Variants in NELL2 observed in about 807,000 individuals in gnomAD.
NELL2 encodes neural EGFL like 2.
NELL2 carries 41 observed loss-of-function variants against 109.6 expected under a neutral mutation model. The ratio of observed to expected loss-of-function variants is 0.37; its 90% CI spans 0.29 to 0.49. The LOEUF (loss-of-function observed/expected upper bound fraction) is 0.49. Among genes scored for constraint, NELL2 ranks in the 20% least tolerant of loss-of-function variants. The pLI is 0.98. For synonymous variants in NELL2, 355 were observed against 344.7 expected (o/e 1.03, Z -0.33); for missense variants, 900 against 1,008.3 (o/e 0.89, Z 1.45).
chr12:44,829,527 G>A (rs1431783922), intron 2 of NELL2, among the ~76,000 whole-genome samples: 1 of 152,108 alleles, frequency 6.6e-6, no homozygotes, highest in Admixed American at 6.5e-5. Context: ...TATAGAATAT[G>A]TATCTGCCTT....
intron 13 of NELL2, among the ~76,000 whole-genome samples, chr12:44,647,620 C>T (rs577318302): frequency 3.5e-4 from 54 of 152,266 alleles, no homozygotes; most frequent in African/African-American, 1.1e-3. Context: ...ACTAAGTCCA[C>T]TTGAGTTTCG....
At chr12:44,915,785 C>CAA (rs138041837), upstream of NELL2, among the ~76,000 whole-genome samples, 643 of 149,196 alleles carry the variant, frequency 4.3e-3, 4 homozygotes, top group African/African-American at 0.014. Flanking sequence ...GGAAGAGATG[C>CAA]AAAAAAAAAT....
At chr12:44,540,366 G>A (rs1368470927) in intron 15 of NELL2, among the ~76,000 whole-genome samples, 2 of 152,068 alleles carry the variant, frequency 1.3e-5, no homozygotes, top group Non-Finnish European at 2.9e-5. Flanking sequence ...TAGAACAAAA[G>A]GAGCCAAAGA....
At chr12:44,886,116 GAAGGA>G (rs1317799974) in intron 1 of NELL2, among the ~76,000 whole-genome samples, 5 of 146,886 alleles carry the variant, frequency 3.4e-5, no homozygotes, top group Non-Finnish European at 7.4e-5. Flanking sequence ...AGGAAGGAAG[GAAGGA>G]AGGAAGGAAG....
chr12:44,570,412 T>G (rs1943820300), intron 15 of NELL2, among the ~76,000 whole-genome samples: 1 of 152,192 alleles, frequency 6.6e-6, no homozygotes, highest in East Asian at 1.9e-4. Context: ...CAAATGGGAC[T>G]GTGACAGTCT....
At chr12:44,824,678 TTTA>T (rs1943649708) in intron 2 of NELL2, among the ~76,000 whole-genome samples, 1 of 109,244 alleles carries the variant, frequency 9.2e-6, no homozygotes. Context: ...TATTTATTTA[TTTA>T]TTTATTTATT....
At chr12:44,765,330 G>C (rs973417931) in intron 9 of NELL2, among the ~76,000 whole-genome samples, 1 of 152,036 alleles carries the variant, frequency 6.6e-6, no homozygotes, top group Non-Finnish European at 1.5e-5. Flanking sequence ...GATAAGTGAG[G>C]GTCATTATGA....
rs950550643 is a variant in NELL2, at chr12:44,895,710, G to A, written c.38+18089C>T. ...GCTTTTTTTCCTGCATTTATATTAC[G>A]AAATCATATATCACCCCCTAACTTT... On this transcript the variant is annotated intron_variant, in intron 1 of 20. Coordinates refer to the NELL2 transcript ENST00000333837. 2.6e-5 allele frequency among the ~76,000 whole-genome samples: 4 copies of A among 152,006 alleles called. No individual in the cohort carries two copies. In the South Asian group the frequency reaches 8.3e-4, roughly 32 times the overall value.
intron 13 of NELL2, among the ~76,000 whole-genome samples, chr12:44,640,132 A>C (rs1946797181): frequency 6.6e-6 from 1 of 152,222 alleles, no homozygotes; most frequent in Admixed American, 6.5e-5. Context: ...CTCAGTAAAT[A>C]GCTGTTGATT....
intron 14 of NELL2, 120 bp downstream of exon 14, chr12:44,610,728 C>A (rs2136251460): frequency 1.5e-6 from 2 of 1,368,784 alleles, no homozygotes; most frequent in East Asian, 2.4e-5. Context: ...CACACCAAAG[C>A]TTTTGATGTC....
intron 13 of NELL2, among the ~76,000 whole-genome samples, chr12:44,658,753 G>C (rs1224167654): frequency 1.3e-5 from 2 of 151,654 alleles, no homozygotes; most frequent in Non-Finnish European, 2.9e-5. Flanking sequence ...GCAGGCGCCT[G>C]TAGTTCCAGC....
At chr12:44,793,779 T>C (rs368015329) in intron 3 of NELL2, among the ~76,000 whole-genome samples, 2 of 152,214 alleles carry the variant, frequency 1.3e-5, no homozygotes, top group African/African-American at 4.8e-5. Context: ...CTATCATTAA[T>C]AGAAAGGAAG....
intron 16 of NELL2, among the ~76,000 whole-genome samples, chr12:44,531,578 T>TCTGCTGCC (rs1428556812): frequency 6.6e-6 from 1 of 152,214 alleles, no homozygotes; most frequent in African/African-American, 2.4e-5. Context: ...CCAGAGCTTG[T>TCTGCTGCC]CTGCTGCCGG....
intron 15 of NELL2, among the ~76,000 whole-genome samples, chr12:44,537,139 C>T (rs1214700712): frequency 7.9e-5 from 12 of 151,792 alleles, no homozygotes; most frequent in Admixed American, 6.6e-4. Context: ...CTGTACAACA[C>T]CACACAGATC....
chr12:44,570,876 T>C (rs554710350), intron 15 of NELL2, among the ~76,000 whole-genome samples: 1 of 152,188 alleles, frequency 6.6e-6, no homozygotes, highest in Admixed American at 6.6e-5. Context: ...AAATGCATTA[T>C]GTCTAAACCA....
chr12:44,644,750 A>C (rs1370329357), intron 13 of NELL2, among the ~76,000 whole-genome samples: 1 of 151,098 alleles, frequency 6.6e-6, no homozygotes, highest in African/African-American at 2.4e-5. Flanking sequence ...TTTATTGGCT[A>C]AATTAATGGT....
chr12:44,784,379 G>A (rs979248427), intron 3 of NELL2, among the ~76,000 whole-genome samples: 1 of 151,932 alleles, frequency 6.6e-6, no homozygotes, highest in African/African-American at 2.4e-5. Flanking sequence ...AAAGAATACA[G>A]AATAGAAAGG....
chr12:44,676,356 G>A (rs980310586), intron 12 of NELL2, among the ~76,000 whole-genome samples: 1 of 152,074 alleles, frequency 6.6e-6, no homozygotes, highest in African/African-American at 2.4e-5. Flanking sequence ...TAAGTAGGCT[G>A]CTCAGTGAAA....
chr12:44,622,326 T>C (rs912474457), intron 13 of NELL2, among the ~76,000 whole-genome samples: 1 of 152,132 alleles, frequency 6.6e-6, no homozygotes, highest in Non-Finnish European at 1.5e-5. Context: ...GTGCTGCCCC[T>C]AAATTTGGCA....
Sources: allele counts gnomAD v4.1 joint callset (sites outside exome capture counted in the v4.1 genomes callset), GRCh38; gene constraint gnomAD v4.1.1; transcripts MANE v1.5; gene names NCBI Gene and HGNC (gene_info 2026-07-23, HGNC 2026-07-21).